Variants in NBDY observed in about 807,000 individuals in gnomAD.
NBDY encodes negative regulator of P-body association.
At chrX:56,804,972 T>G (rs370257592) in intron 2 of NBDY, among the ~76,000 whole-genome samples, 15 of 112,219 alleles carry the variant, frequency 1.3e-4, no homozygotes, top group African/African-American at 4.2e-4. Flanking sequence ...TTCCTGGATG[T>G]GTAGGCTGCA....
intron 2 of NBDY, among the ~76,000 whole-genome samples, chrX:56,733,232 G>T (rs2069469179): frequency 9.4e-6 from 1 of 106,135 alleles, no homozygotes; most frequent in African/African-American, 3.4e-5. Flanking sequence ...AATCATATGG[G>T]ATTCCTTTTT....
chrX:56,759,407 T>C (rs2069627172), intron 2 of NBDY, among the ~76,000 whole-genome samples: 2 of 111,869 alleles, frequency 1.8e-5, no homozygotes, highest in African/African-American at 6.5e-5. Flanking sequence ...TCCCACAGGG[T>C]CTCCAGCCTA....
chrX:56,784,944 A>C (rs1229828059), intron 2 of NBDY, among the ~76,000 whole-genome samples: 1 of 112,341 alleles, frequency 8.9e-6, no homozygotes, highest in Non-Finnish European at 1.9e-5. Flanking sequence ...TGGAACACAC[A>C]GCTCTTCAAA....
chrX:56,731,639 A>G (rs906427396), intron 1 of NBDY, among the ~76,000 whole-genome samples: 5 of 111,679 alleles, frequency 4.5e-5, no homozygotes, highest in African/African-American at 6.5e-5. Flanking sequence ...GAACAAAACA[A>G]TAAGTGCAGT....
chrX:56,754,136 G>C (rs1234082175), intron 2 of NBDY, among the ~76,000 whole-genome samples: 3 of 111,568 alleles, frequency 2.7e-5, no homozygotes, highest in African/African-American at 9.8e-5. Flanking sequence ...TGAATAGTTC[G>C]AAGGAAGTGA....
intron 2 of NBDY, among the ~76,000 whole-genome samples, chrX:56,796,858 G>A (rs193266441): frequency 1.8e-5 from 2 of 111,107 alleles, no homozygotes; most frequent in Non-Finnish European, 3.8e-5. Context: ...GAAGCTTCTC[G>A]GTTGTGTGTC....
intron 2 of NBDY, among the ~76,000 whole-genome samples, chrX:56,784,940 A>G (rs1041683038): frequency 8.9e-6 from 1 of 112,561 alleles, no homozygotes; most frequent in African/African-American, 3.2e-5. Context: ...AGCATGGAAC[A>G]CACAGCTCTT....
At chrX:56,797,494 C>T (rs996916114) in intron 2 of NBDY, among the ~76,000 whole-genome samples, 2 of 110,317 alleles carry the variant, frequency 1.8e-5, no homozygotes, top group Non-Finnish European at 3.8e-5. Context: ...ATGAAGGTCA[C>T]CAGTTCAGTC....
At chrX:56,791,508 T>G (rs1190694965) in intron 2 of NBDY, among the ~76,000 whole-genome samples, 1 of 111,846 alleles carries the variant, frequency 8.9e-6, no homozygotes, top group Non-Finnish European at 1.9e-5. Context: ...CTCAGGGCAA[T>G]GTTCAACCTG....
chrX:56,757,780 G>A (rs753376595), intron 2 of NBDY, among the ~76,000 whole-genome samples: 1 of 111,211 alleles, frequency 9.0e-6, no homozygotes, highest in East Asian at 2.8e-4. Context: ...GTAGCATGGT[G>A]GGGGGAGCTT....
chrX:56,806,405 A>T (rs1338012803), intron 2 of NBDY, among the ~76,000 whole-genome samples: 1 of 112,128 alleles, frequency 8.9e-6, no homozygotes, highest in Non-Finnish European at 1.9e-5. Context: ...ACTGTCTTCC[A>T]GAGTGGTTGA....
chrX:56,746,017 G>C (rs1459909631), intron 2 of NBDY, among the ~76,000 whole-genome samples: 1 of 111,187 alleles, frequency 9.0e-6, no homozygotes, highest in Non-Finnish European at 1.9e-5. Context: ...TCAAATTATG[G>C]TTTATAATTT....
chrX:56,749,987 T>A (rs2069576616), intron 2 of NBDY, among the ~76,000 whole-genome samples: 1 of 111,907 alleles, frequency 8.9e-6, no homozygotes, highest in Admixed American at 9.5e-5. Context: ...TATTTTATTA[T>A]AAATTACTTT....
intron 2 of NBDY, among the ~76,000 whole-genome samples, chrX:56,799,749 A>G (rs2069812678): frequency 8.9e-6 from 1 of 112,579 alleles, no homozygotes; most frequent in African/African-American, 3.2e-5. Flanking sequence ...ACCAAACAAA[A>G]CAAACACACA....
chrX:56,805,104 G>A (rs1325510017), intron 2 of NBDY, among the ~76,000 whole-genome samples: 3 of 111,771 alleles, frequency 2.7e-5, no homozygotes, highest in Admixed American at 9.5e-5. Context: ...GCACTCTCAG[G>A]GCATTCCAGG....
chrX:56,793,245 G>T (rs1406951481), intron 2 of NBDY, among the ~76,000 whole-genome samples: 1 of 112,361 alleles, frequency 8.9e-6, no homozygotes, highest in Non-Finnish European at 1.9e-5. Context: ...GTCCTGGGGT[G>T]GCAGCCCTGT....
chrX:56,805,203 A>C, intron 2 of NBDY, among the ~76,000 whole-genome samples: 1 of 112,641 alleles, frequency 8.9e-6, no homozygotes, highest in South Asian at 3.7e-4. Flanking sequence ...TGTAGTAATC[A>C]CCATGGGGGC....
At chrX:56,794,343 C>T (rs2069780828) in intron 2 of NBDY, among the ~76,000 whole-genome samples, 1 of 112,106 alleles carries the variant, frequency 8.9e-6, no homozygotes, top group East Asian at 2.8e-4. Context: ...GTCATGTCTT[C>T]TTCTTCCCCC....
chrX:56,749,755 G>A (rs1344195761), intron 2 of NBDY, among the ~76,000 whole-genome samples: 2 of 108,570 alleles, frequency 1.8e-5, no homozygotes, highest in South Asian at 4.0e-4. Flanking sequence ...GGGTTCAAGC[G>A]ATCCTCCTGC....
Sources: allele counts gnomAD v4.1 joint callset (sites outside exome capture counted in the v4.1 genomes callset), GRCh38; gene constraint gnomAD v4.1.1; transcripts MANE v1.5; gene names NCBI Gene and HGNC (gene_info 2026-07-23, HGNC 2026-07-21).